Variants in SLAMF9 observed in about 807,000 individuals in gnomAD.
SLAMF9 encodes the protein CD2 family member 10.
SLAMF9 carries 25 observed loss-of-function variants against 30.4 expected under a neutral mutation model. The observed-to-expected ratio is 0.82, with a 90% CI of 0.60 to 1.15. SLAMF9 has a LOEUF of 1.15. SLAMF9 is among the 50% of genes most tolerant of loss of function. The pLI is 0.00. For missense variants in SLAMF9, 344 were observed against 346.1 expected, an observed-to-expected ratio of 0.99 and a Z score of 0.05; for synonymous variants, 129 against 127.2, an observed-to-expected ratio of 1.01 and a Z score of -0.09.
At chr1:159,976,980 A>C in the SLAMF9 span, 2 of 44,178 alleles carry the variant, frequency 4.5e-5, no homozygotes, top group Non-Finnish European at 1.5e-4. Flanking sequence ...GAAGGAAAGA[A>C]GGAAAGAAGG....
chr1:159,961,784 G>A, the SLAMF9 span, among the ~76,000 whole-genome samples: 3 of 152,216 alleles, frequency 2.0e-5, no homozygotes, highest in Admixed American at 6.5e-5. Flanking sequence ...GAGAAGAGTG[G>A]AGATGAGGCT....
chr1:159,968,828 A>C, the SLAMF9 span, among the ~76,000 whole-genome samples: 2 of 152,192 alleles, frequency 1.3e-5, no homozygotes, highest in African/African-American at 4.8e-5. Flanking sequence ...AGGCAGGTGG[A>C]TCACCTGAGG....
At chr1:159,961,884 C>T in the SLAMF9 span, among the ~76,000 whole-genome samples, 5 of 151,504 alleles carry the variant, frequency 3.3e-5, no homozygotes, top group Admixed American at 2.6e-4. Context: ...TTTGGCCGGG[C>T]GTGGCGGCTC....
upstream of SLAMF9, among the ~76,000 whole-genome samples, chr1:159,956,606 G>C (rs1651926676): frequency 6.6e-6 from 1 of 152,094 alleles, no homozygotes; most frequent in South Asian, 2.1e-4. Context: ...GAAGAGTTTT[G>C]ACACCTCCCC....
At chr1:159,954,266 T>C (rs942993318), upstream of SLAMF9, 3 of 1,034,250 alleles carry the variant, frequency 2.9e-6, no homozygotes, top group Non-Finnish European at 1.4e-6. Flanking sequence ...GAAATAATTT[T>C]CCCCTGACTA....
chr1:159,964,451 G>A, the SLAMF9 span, among the ~76,000 whole-genome samples: 381 of 152,296 alleles, frequency 2.5e-3, 4 homozygotes, highest in African/African-American at 8.9e-3. Flanking sequence ...TGCAAAGCCA[G>A]GGAGCTTCAA....
chr1:159,968,296 T>G, the SLAMF9 span, among the ~76,000 whole-genome samples: 1 of 152,250 alleles, frequency 6.6e-6, no homozygotes, highest in Non-Finnish European at 1.5e-5. Flanking sequence ...TTTTGAGAAC[T>G]GTTCACACCA....
At chr1:159,980,360 C>T in the SLAMF9 span, among the ~76,000 whole-genome samples, 3 of 152,128 alleles carry the variant, frequency 2.0e-5, no homozygotes, top group African/African-American at 7.2e-5. Context: ...CAGCCTTGTA[C>T]CTTTCGTTCC....
At chr1:159,961,973 A>G in the SLAMF9 span, among the ~76,000 whole-genome samples, 2 of 151,906 alleles carry the variant, frequency 1.3e-5, no homozygotes, top group Non-Finnish European at 2.9e-5. Flanking sequence ...CCCGGCCAAC[A>G]TGGTGAAACC....
Position 159,953,185 on chromosome 1 carries a change from G to A in SLAMF9, c.391+124C>T, listed in dbSNP as rs891098099. ...ACTCAATCACAGTATCTAGATTGGA[G>A]ACAGTCTGCCTCCAGTTCTAGCCCC... On this transcript the variant is annotated intron_variant, in intron 2 of 3. Coordinates refer to ENST00000368093, the MANE Select transcript of SLAMF9 (RefSeq NM_033438.4). 6 of 756,338 alleles carry A rather than the reference G, an allele frequency of 7.9e-6. No homozygotes were observed. The Admixed American group carries it at 8.1e-5, about 10-fold the overall frequency. 46.9% of individuals were successfully genotyped at this position (756,338 alleles called of 1,614,324 possible).
At chr1:159,959,035 C>T (rs1211664737), upstream of SLAMF9, among the ~76,000 whole-genome samples, 2 of 152,134 alleles carry the variant, frequency 1.3e-5, no homozygotes, top group South Asian at 2.1e-4. Context: ...GGCTGGTAGT[C>T]GGGGAGGGAG....
At chr1:159,975,628 C>T in the SLAMF9 span, among the ~76,000 whole-genome samples, 1 of 151,870 alleles carries the variant, frequency 6.6e-6, no homozygotes, top group African/African-American at 2.4e-5. Flanking sequence ...CTGATGGCTG[C>T]CAAGTAAAGA....
intron 1 of SLAMF9, 56 bp from the exon 2 acceptor site, chr1:159,953,709 A>C: frequency 1.3e-6 from 2 of 1,491,712 alleles, no homozygotes; most frequent in Non-Finnish European, 1.8e-6. Context: ...GGGCTGCTGA[A>C]CCTGGCAGTG....
chr1:159,973,807 G>A, the SLAMF9 span: 1 of 1,613,754 alleles, frequency 6.2e-7, no homozygotes, highest in Non-Finnish European at 8.5e-7. Context: ...CCTTGGACTT[G>A]AACCATGGCA....
the SLAMF9 span, among the ~76,000 whole-genome samples, chr1:159,969,102 G>A: frequency 6.6e-6 from 1 of 152,118 alleles, no homozygotes; most frequent in African/African-American, 2.4e-5. Flanking sequence ...CAAACTACTA[G>A]AAGAGGAAAT....
intron 3 of SLAMF9, 89 bp from the exon 4 acceptor site, chr1:159,951,955 GTC>G: frequency 8.9e-7 from 1 of 1,119,006 alleles, no homozygotes; most frequent in Admixed American, 2.2e-5. Context: ...TCATGAAGGG[GTC>G]TCAAGTTCAC....
At chr1:159,956,332 T>A (rs938092339), upstream of SLAMF9, among the ~76,000 whole-genome samples, 3 of 152,050 alleles carry the variant, frequency 2.0e-5, no homozygotes, top group African/African-American at 7.2e-5. Context: ...GATCAGGGCA[T>A]GGTGATGCAT....
the SLAMF9 span, among the ~76,000 whole-genome samples, chr1:159,967,145 GT>G: frequency 7.2e-5 from 11 of 151,898 alleles, no homozygotes; most frequent in Admixed American, 2.0e-4. Flanking sequence ...CCCGTTTTGA[GT>G]TTTTTTTATT....
chr1:159,961,938 C>A, the SLAMF9 span, among the ~76,000 whole-genome samples: 1 of 150,526 alleles, frequency 6.6e-6, no homozygotes, highest in Admixed American at 6.6e-5. Context: ...GCGGGCGGAT[C>A]ACAAGGTCAA....
Sources: gnomAD v4.1 joint callset for allele counts (sites outside exome capture counted in the v4.1 genomes callset) on GRCh38, gnomAD v4.1.1 for gene constraint, MANE v1.5 for transcripts, NCBI Gene and HGNC (gene_info 2026-07-23, HGNC 2026-07-21) for gene names.